The following SDK1 variants were observed in gnomAD, a reference collection of about 807,000 sequenced individuals.
The protein encoded by SDK1 is protein sidekick-1.
In SDK1, 157 loss-of-function variants were observed where a neutral mutation model predicts 245.5. The observed-to-expected ratio is 0.64, with a 90% confidence interval of 0.56 to 0.73. The LOEUF is 0.73. SDK1 is among the 30% of genes least tolerant of loss of function. The pLI, the probability that SDK1 is intolerant of heterozygous loss-of-function variation, is 0.00. For synonymous variants in SDK1, 1,647 were observed against 1,278.5 expected (o/e 1.29, Z -6.15); for missense variants, 3,583 against 3,002.3 (o/e 1.19, Z -4.52).
chr7:3,468,690 C>T (rs1781088435), intron 1 of SDK1, among the ~76,000 whole-genome samples: 2 of 152,144 alleles, frequency 1.3e-5, no homozygotes, highest in South Asian at 4.1e-4. Context: ...TGCTGGGTTT[C>T]CGAACTCAGT....
chr7:4,134,784 G>A (rs1432628026), intron 28 of SDK1: 1 of 152,412 alleles, frequency 6.6e-6, no homozygotes, highest in Non-Finnish European at 1.5e-5. Flanking sequence ...GAGTGCGGAG[G>A]CGTGGGAGCG....
At chr7:3,895,170 A>T (rs1053196235) in intron 5 of SDK1, among the ~76,000 whole-genome samples, 2 of 152,252 alleles carry the variant, frequency 1.3e-5, no homozygotes, top group African/African-American at 4.8e-5. Context: ...AATCATAAGT[A>T]GTAATTAAGG....
intron 1 of SDK1, among the ~76,000 whole-genome samples, chr7:3,589,162 G>A (rs1028244009): frequency 6.6e-6 from 1 of 152,222 alleles, no homozygotes; most frequent in Non-Finnish European, 1.5e-5. Context: ...TTTGACGTCA[G>A]TACTGATCTC....
chr7:3,702,648 T>C (rs908866042), intron 4 of SDK1, among the ~76,000 whole-genome samples: 1 of 152,254 alleles, frequency 6.6e-6, no homozygotes, highest in Non-Finnish European at 1.5e-5. Context: ...AGTGATGAGA[T>C]GCCTCATGAC....
chr7:3,525,922 T>C (rs919136237), intron 1 of SDK1, among the ~76,000 whole-genome samples: 14 of 152,180 alleles, frequency 9.2e-5, no homozygotes, highest in East Asian at 3.9e-4. Flanking sequence ...TGAGATAATA[T>C]AGCTCTACTC....
rs113337623 is a variant in SDK1 at position 3,331,610 on chromosome 7, G to A, written c.298+29726G>A. ...ATGGCATTCATTGAAGTGCAAAAGC[G>A]TTTAATTCTGATGTCCACTTTATCT... is the stretch of plus-strand genomic sequence containing the variant. On this transcript the variant is annotated intron_variant, in intron 1 of 44. Transcript: ENST00000404826. 8.2e-4 allele frequency among the ~76,000 whole-genome samples: 125 copies of A among 152,274 alleles called. 1 individual carries two copies. Among genetic ancestry groups the A allele is most frequent in the East Asian group, 4.0e-3 (21 of 5,194 alleles).
At chr7:3,476,316 A>C (rs147725344) in intron 1 of SDK1, among the ~76,000 whole-genome samples, 1 of 152,168 alleles carries the variant, frequency 6.6e-6, no homozygotes, top group African/African-American at 2.4e-5. Context: ...TACATAGACA[A>C]TATTTTTCAG....
intron 1 of SDK1, among the ~76,000 whole-genome samples, chr7:3,326,007 A>G (rs1208812441): frequency 2.0e-5 from 3 of 152,170 alleles, no homozygotes; most frequent in Admixed American, 2.0e-4. Context: ...GCAGACATAT[A>G]CTTAGCTGTA....
intron 14 of SDK1, among the ~76,000 whole-genome samples, chr7:3,989,815 G>A (rs113126341): frequency 8.5e-4 from 129 of 152,290 alleles, no homozygotes; most frequent in Middle Eastern, 3.4e-3. Flanking sequence ...CTTCCCTGGG[G>A]GTTCCCTTCT....
intron 22 of SDK1, among the ~76,000 whole-genome samples, chr7:4,098,349 G>A (rs984897569): frequency 1.5e-4 from 23 of 152,278 alleles, no homozygotes; most frequent in African/African-American, 5.3e-4. Context: ...TAAATTTTAT[G>A]AGACTCATAT....
chr7:3,507,555 C>T (rs1376610454), intron 1 of SDK1, among the ~76,000 whole-genome samples: 2 of 152,180 alleles, frequency 1.3e-5, no homozygotes, highest in East Asian at 3.9e-4. Context: ...TCCACAGTGG[C>T]TGACAGTCCC....
chr7:3,334,188 T>C (rs12532848), intron 1 of SDK1, among the ~76,000 whole-genome samples: 36,199 of 152,176 alleles, frequency 0.24, 4,731 homozygotes, highest in East Asian at 0.42. Context: ...GGGAGTAGAT[T>C]GAAGTGAGTC....
At position 4,113,433 on chromosome 7, in the gene SDK1, C is replaced by T. The variant is rs757020637; in HGVS notation, c.3579C>T (p.Arg1193=). 22 of 1,613,734 alleles carry T rather than the reference C, an allele frequency of 1.4e-5. No individual in the cohort carries two copies. The highest frequency in any genetic ancestry group is 1.6e-5 in the Non-Finnish European group (19 of 1,179,994). ...RTASETSLRL[R]WVPLPDSQYN... Reference sequence around the variant, plus strand: ...CCAGTGAGACCAGCCTGCGGCTTCGCTGGGTGGTGAGTGGGGGTGAGAAGG... The same window carrying T: ...CCAGTGAGACCAGCCTGCGGCTTCGTTGGGTGGTGAGTGGGGGTGAGAAGG... Residue 1193 remains arginine (R), a synonymous_variant, in exon 24 of 45, where the codon CGC becomes CGT. Transcript: ENST00000404826.
chr7:3,504,196 G>GTGTGTGTGTGTGTGTA (rs2128609264), intron 1 of SDK1, among the ~76,000 whole-genome samples: 1 of 150,976 alleles, frequency 6.6e-6, no homozygotes, highest in South Asian at 2.1e-4. Flanking sequence ...GTGTGTGTGT[G>GTGTGTGTGTGTGTGTA]TGTGTGTGTG....
At chr7:4,104,231 T>A (rs551133331) in intron 22 of SDK1, among the ~76,000 whole-genome samples, 1 of 152,288 alleles carries the variant, frequency 6.6e-6, no homozygotes, top group African/African-American at 2.4e-5. Flanking sequence ...AGCTAGATTT[T>A]GTATGTTTTA....
At chr7:4,067,431 T>C (rs1385282169) in intron 19 of SDK1, among the ~76,000 whole-genome samples, 1 of 152,128 alleles carries the variant, frequency 6.6e-6, no homozygotes, top group Non-Finnish European at 1.5e-5. Context: ...CCTTTTCTGG[T>C]TTGCACAAGG....
At chr7:4,200,727 T>G (rs939438008) in intron 35 of SDK1, among the ~76,000 whole-genome samples, 3 of 152,198 alleles carry the variant, frequency 2.0e-5, no homozygotes, top group African/African-American at 7.2e-5. Flanking sequence ...AGGCTCTTGT[T>G]GCTGAGTCAC....
At chr7:3,720,610 A>G (rs1014950935) in intron 4 of SDK1, among the ~76,000 whole-genome samples, 5 of 152,350 alleles carry the variant, frequency 3.3e-5, no homozygotes, top group Admixed American at 6.5e-5. Context: ...GAGAAACTGG[A>G]TCACTCATAT....
chr7:3,502,862 C>T (rs1240045119), intron 1 of SDK1, among the ~76,000 whole-genome samples: 1 of 152,046 alleles, frequency 6.6e-6, no homozygotes, highest in Non-Finnish European at 1.5e-5. Flanking sequence ...AAATTGTTTT[C>T]TTGTTCTGTA....
Sources: gnomAD v4.1 joint callset for allele counts (sites outside exome capture counted in the v4.1 genomes callset) on GRCh38, gnomAD v4.1.1 for gene constraint, MANE v1.5 for transcripts, NCBI Gene and HGNC (gene_info 2026-07-23, HGNC 2026-07-21) for gene names.